The following DOCK9 variants were observed in gnomAD, a reference collection of about 807,000 sequenced individuals.
DOCK9 encodes the protein dedicator of cytokinesis protein 9.
A neutral mutation model predicts 263.3 loss-of-function variants in DOCK9; 89 were observed. That is an observed-to-expected ratio of 0.34 (90% confidence interval 0.28 to 0.40). The LOEUF (loss-of-function observed/expected upper bound fraction) is 0.40, where lower values mean the gene tolerates loss of function less well. DOCK9 is among the 10% of genes least tolerant of loss of function. DOCK9 has a pLI of 1.00. For missense variants in DOCK9, 2,140 were observed against 2,603.4 expected, an observed-to-expected ratio of 0.82 and a Z score of 3.87; for synonymous variants, 976 against 973.1, an observed-to-expected ratio of 1.00 and a Z score of -0.06.
At chr13:99,019,696 G>C (rs1885843107) in intron 1 of DOCK9, among the ~76,000 whole-genome samples, 1 of 152,164 alleles carries the variant, frequency 6.6e-6, no homozygotes, top group Non-Finnish European at 1.5e-5. Flanking sequence ...GGGTGGGTGT[G>C]ATGTCAGCTG....
chr13:99,060,004 A>G (rs2041107233), intron 1 of DOCK9, among the ~76,000 whole-genome samples: 1 of 151,410 alleles, frequency 6.6e-6, no homozygotes, highest in Non-Finnish European at 1.5e-5. Context: ...GAATGGCTGA[A>G]TAATATTCTA....
intron 1 of DOCK9, among the ~76,000 whole-genome samples, chr13:98,983,800 A>G (rs1877815632): frequency 6.6e-6 from 1 of 152,070 alleles, no homozygotes; most frequent in Non-Finnish European, 1.5e-5. Context: ...TATTTTCAGT[A>G]GAGACAGAGT....
intron 29 of DOCK9, among the ~76,000 whole-genome samples, 152 bp from the exon 30 acceptor site, chr13:98,867,688 T>C (rs1415581776): frequency 6.6e-6 from 1 of 151,728 alleles, no homozygotes; most frequent in East Asian, 1.9e-4. Context: ...GATTTCAGGA[T>C]GGCTGCAGGG....
rs1471264753 is a variant in DOCK9, at chr13:98,920,953, C to T, written c.717+1G>A. 2 of 1,597,244 alleles carry T rather than the reference C, an allele frequency of 1.3e-6. No homozygotes were observed. The highest frequency in any genetic ancestry group is 8.5e-7 in the Non-Finnish European group (1 of 1,172,780). On this transcript the variant is annotated splice_donor_variant, in intron 7 of 52. Transcript: ENST00000682017. LOFTEE classifies it high-confidence loss of function. ...AATGGTAAAACTCTTTTCATATTTACCTGAACGACACCCATACAGGAATCC... is the reference window on the plus strand; with the variant it reads ...AATGGTAAAACTCTTTTCATATTTATCTGAACGACACCCATACAGGAATCC...
intron 13 of DOCK9, among the ~76,000 whole-genome samples, chr13:98,900,976 T>C (rs1334516806): frequency 6.6e-6 from 1 of 152,196 alleles, no homozygotes; most frequent in Non-Finnish European, 1.5e-5. Flanking sequence ...GCCTCTCAGA[T>C]GACCACACAA....
Position 98,883,901 on chromosome 13 carries a change from TA to T in DOCK9, c.2383-3del, listed in dbSNP as rs756465245. The T allele has an allele frequency of 2.4e-4, 384 of 1,586,882 alleles. No individual in the cohort carries two copies. Among genetic ancestry groups the T allele is most frequent in the Admixed American group, 3.0e-4 (17 of 57,070 alleles). On this transcript the variant is annotated splice_region_variant and splice_polypyrimidine_tract_variant and intron_variant, in intron 21 of 52. Coordinates refer to ENST00000682017, the MANE Select transcript of DOCK9 (RefSeq NM_001366683.2). ...CCATTTAATTTCCGGACCATAATGC[TA>T]AAAAAAATATGGAAGAAACAATATC...
intron 27 of DOCK9, among the ~76,000 whole-genome samples, chr13:98,875,181 A>G (rs1324130411): frequency 6.6e-6 from 1 of 152,204 alleles, no homozygotes; most frequent in Admixed American, 6.5e-5. Flanking sequence ...GTGAGCTTCA[A>G]GGTTAAGGGT....
chr13:99,008,230 A>ATTTTTT (rs1177982728), intron 1 of DOCK9, among the ~76,000 whole-genome samples: 1 of 114,404 alleles, frequency 8.7e-6, no homozygotes, highest in South Asian at 3.3e-4. Context: ...ATATATATAT[A>ATTTTTT]TATATTTTTT....
intron 38 of DOCK9, among the ~76,000 whole-genome samples, chr13:98,840,548 C>G (rs143071584): frequency 1.3e-5 from 2 of 152,196 alleles, no homozygotes; most frequent in Non-Finnish European, 2.9e-5. Context: ...TTTGTCTACA[C>G]TGAATTAACC....
At chr13:98,887,143 A>ATATATATATATTT (rs1470080750) in intron 18 of DOCK9, among the ~76,000 whole-genome samples, 2 of 95,292 alleles carry the variant, frequency 2.1e-5, no homozygotes, top group African/African-American at 8.7e-5. Flanking sequence ...ATATATATAT[A>ATATATATATATTT]TTTTTTTTTT....
At chr13:98,805,980 G>A (rs1157866228) in intron 48 of DOCK9, among the ~76,000 whole-genome samples, 3 of 152,110 alleles carry the variant, frequency 2.0e-5, no homozygotes, top group East Asian at 1.9e-4. Context: ...GGCTGGTCTC[G>A]AACTCCCGAC....
intron 47 of DOCK9, chr13:98,808,513 A>T (rs2090969956): frequency 2.9e-6 from 2 of 683,416 alleles, no homozygotes; most frequent in South Asian, 3.5e-5. Context: ...AGAGAGAGAA[A>T]ATGGTGCACA....
At chr13:98,853,371 A>C (rs531571988) in intron 35 of DOCK9, 37 bp downstream of exon 35, 5 of 1,411,212 alleles carry the variant, frequency 3.5e-6, no homozygotes, top group African/African-American at 1.4e-5. Context: ...CCAAGTGCTG[A>C]AACGAGCAAA....
intron 32 of DOCK9, among the ~76,000 whole-genome samples, chr13:98,862,355 C>T (rs755702715): frequency 2.6e-4 from 40 of 152,106 alleles, no homozygotes; most frequent in Non-Finnish European, 5.7e-4. Context: ...TGAGGTTATA[C>T]TGGGTGAACC....
At chr13:99,037,171 GA>G (rs933239659) in intron 1 of DOCK9, among the ~76,000 whole-genome samples, 5 of 151,818 alleles carry the variant, frequency 3.3e-5, no homozygotes, top group African/African-American at 4.8e-5. Flanking sequence ...TGCAAAAAGA[GA>G]AAAAAATTAT....
At chr13:98,794,799 G>A (rs763043197) in intron 52 of DOCK9, 51 bp from the exon 53 acceptor site, 10 of 1,598,534 alleles carry the variant, frequency 6.3e-6, no homozygotes, top group South Asian at 5.6e-5. Context: ...GTTACCATAT[G>A]CAATGCCATG....
chr13:98,878,357 T>C (rs2044195930), intron 27 of DOCK9, among the ~76,000 whole-genome samples: 2 of 152,234 alleles, frequency 1.3e-5, no homozygotes, highest in African/African-American at 2.4e-5. Flanking sequence ...CAGTTTTAAG[T>C]GTACAGTTCA....
intron 1 of DOCK9, among the ~76,000 whole-genome samples, chr13:99,036,787 C>T (rs1887929668): frequency 6.6e-6 from 1 of 152,176 alleles, no homozygotes; most frequent in Non-Finnish European, 1.5e-5. Flanking sequence ...ATCCGCCCAC[C>T]TCGGCCTCCC....
chr13:98,805,409 A>T (rs984827965), intron 48 of DOCK9, among the ~76,000 whole-genome samples, 200 bp from the exon 49 acceptor site: 1 of 152,166 alleles, frequency 6.6e-6, no homozygotes, highest in Non-Finnish European at 1.5e-5. Flanking sequence ...ACATACACTT[A>T]TGGATGTGCA....
Sources: allele counts gnomAD v4.1 joint callset (sites outside exome capture counted in the v4.1 genomes callset), GRCh38; gene constraint gnomAD v4.1.1; transcripts MANE v1.5; gene names NCBI Gene and HGNC (gene_info 2026-07-23, HGNC 2026-07-21).